ARID2: variants seen among roughly 807,000 people sequenced by gnomAD.
ARID2 encodes the protein AT-rich interaction domain 2.
In ARID2, 32 loss-of-function variants were observed where a neutral mutation model predicts 184.6. That is an observed-to-expected ratio of 0.17 (90% CI 0.13 to 0.23). The LOEUF (loss-of-function observed/expected upper bound fraction) is 0.23. Among genes scored for constraint, ARID2 ranks in the 10% least tolerant of loss-of-function variants. ARID2 has a pLI of 1.00. For missense variants in ARID2, 1,696 were observed against 2,197.6 expected (o/e 0.77, Z 4.56); for synonymous variants, 836 against 772.6 (o/e 1.08, Z -1.36).
Position 45,851,061 on chromosome 12 carries a change from A to T in ARID2, c.2938A>T (p.Thr980Ser), listed in dbSNP as rs767866745. ...TTCTTCACCATCACCTGTCCCAGCT[A>T]CTAATAACCAAGTCCCTACTGCCAT... ...PSSSPSPVPA[T>S]NNQVPTAMSS... Residue 980 changes from threonine (T) to serine (S), a missense_variant, in exon 15 of 21, where the codon ACT (threonine) becomes TCT (serine). Transcript: ENST00000334344. 2 of 1,614,114 alleles carry T rather than the reference A, an allele frequency of 1.2e-6. No homozygotes were observed. Among genetic ancestry groups the T allele is most frequent in the Admixed American group, 3.3e-5 (2 of 60,020 alleles).
intron 3 of ARID2, among the ~76,000 whole-genome samples, chr12:45,743,874 TG>T (rs1373831941): frequency 6.6e-6 from 1 of 152,214 alleles, no homozygotes; most frequent in Non-Finnish European, 1.5e-5. Flanking sequence ...TTGTTGCTAT[TG>T]AAAATGTGGT....
intron 6 of ARID2, among the ~76,000 whole-genome samples, chr12:45,826,675 T>C (rs1230517355): frequency 6.6e-6 from 1 of 152,072 alleles, no homozygotes; most frequent in Non-Finnish European, 1.5e-5. Context: ...TGCCTCGGCC[T>C]CCCAGAGTGC....
Position 45,852,339 on chromosome 12 carries a change from A to G in ARID2, c.4216A>G (p.Thr1406Ala), listed in dbSNP as rs1565624618. 1.2e-6 allele frequency: 2 copies of G among 1,614,204 alleles called. No individual in the cohort carries two copies. The highest frequency in any genetic ancestry group is 1.7e-6 in the Non-Finnish European group (2 of 1,180,024). The change falls in exon 15 of 21, where the codon ACT (threonine) becomes GCT (alanine). Residue 1406 changes from threonine to alanine, a missense_variant. Coordinates refer to ENST00000334344, the MANE Select transcript of ARID2 (RefSeq NM_152641.4). ...GACTTTAGATATCACTCAGCAAGAT[A>G]CTGCCAAAGGTGATCAACTAGAAAG... ...QGTLDITQQD[T>A]AKGDQLERIS...
chr12:45,790,427 A>G (rs997250523), intron 3 of ARID2, among the ~76,000 whole-genome samples: 1 of 152,156 alleles, frequency 6.6e-6, no homozygotes, highest in Non-Finnish European at 1.5e-5. Flanking sequence ...AAAAACTGAC[A>G]CCTTTATAAT....
intron 3 of ARID2, among the ~76,000 whole-genome samples, chr12:45,788,076 C>T (rs1942228557): frequency 6.6e-6 from 1 of 152,158 alleles, no homozygotes; most frequent in Non-Finnish European, 1.5e-5. Context: ...CTAACAAATG[C>T]ATTACCTCAC....
chr12:45,893,592 A>T, intron 19 of ARID2, 38 bp from the exon 20 acceptor site: 1 of 1,604,498 alleles, frequency 6.2e-7, no homozygotes, highest in Non-Finnish European at 8.5e-7. Flanking sequence ...GTCCTGTATG[A>T]TTTAGATCTT....
intron 10 of ARID2, 111 bp downstream of exon 10, chr12:45,837,818 G>T: frequency 2.3e-6 from 2 of 885,606 alleles, no homozygotes; most frequent in South Asian, 2.4e-5. Flanking sequence ...ATTTTGAAGA[G>T]TCATTACCTC....
chr12:45,881,075 G>A (rs35125), intron 16 of ARID2: 100,007 of 165,468 alleles, frequency 0.6, 32,413 homozygotes, highest in African/African-American at 0.87. Flanking sequence ...TTCTGCTGCA[G>A]GCTATTTGCT....
At position 45,841,341 on chromosome 12, in the gene ARID2, TATTC is replaced by T. The variant is rs554004646; in HGVS notation, c.1498+1849_1498+1852del. ...ATTTAAACATTGAGAATTTGTGGCT[TATTC>T]ATTTATGTAGTAATTAATTCATTCA... On this transcript the variant is annotated intron_variant, in intron 11 of 20. Coordinates refer to ENST00000334344, the MANE Select transcript of ARID2 (RefSeq NM_152641.4). 2.7e-3 allele frequency: 408 copies of T among 152,312 alleles called. 3 individuals are homozygous for T. The highest frequency in any genetic ancestry group is 8.0e-3 in the African/African-American group (332 of 41,568). 9.4% of individuals were successfully genotyped at this position (152,312 alleles called of 1,614,324 possible). A position where few individuals can be genotyped will look rare whatever the true frequency, so the allele number is the denominator to read the frequency against.
At chr12:45,866,881 A>T (rs115627541) in intron 16 of ARID2, among the ~76,000 whole-genome samples, 144 of 152,176 alleles carry the variant, frequency 9.5e-4, no homozygotes, top group African/African-American at 3.1e-3. Flanking sequence ...TTTGCTCTTG[A>T]CATTGTACAT....
chr12:45,732,886 C>T (rs747286946), intron 3 of ARID2, among the ~76,000 whole-genome samples: 13 of 152,042 alleles, frequency 8.6e-5, no homozygotes, highest in Non-Finnish European at 1.9e-4. Flanking sequence ...AAATTAATAT[C>T]TAGGCTTCCA....
chr12:45,830,283 A>G (rs1205303128), intron 6 of ARID2, among the ~76,000 whole-genome samples: 1 of 151,834 alleles, frequency 6.6e-6, no homozygotes, highest in African/African-American at 2.4e-5. Context: ...TTCTTCCACT[A>G]CTCTATTGCA....
At chr12:45,747,557 C>T (rs566049804) in intron 3 of ARID2, among the ~76,000 whole-genome samples, 1 of 152,008 alleles carries the variant, frequency 6.6e-6, no homozygotes, top group East Asian at 1.9e-4. Context: ...TGGGGAGCTT[C>T]TTATGAACTC....
chr12:45,893,881 TA>T (rs1944335723), intron 20 of ARID2, 160 bp downstream of exon 20: 2 of 523,478 alleles, frequency 3.8e-6, no homozygotes, highest in Admixed American at 7.9e-5. Context: ...GATGAGCTCT[TA>T]AAAGTCAAAA....
intron 16 of ARID2, chr12:45,874,375 C>T: frequency 5.6e-6 from 1 of 178,632 alleles, no homozygotes; most frequent in East Asian, 1.5e-4. Flanking sequence ...AACCCTGCTG[C>T]TATGTTATCA....
rs2138155010 is a variant in ARID2 at position 45,848,983 on chromosome 12, G to A, written c.1715+13G>A. 6.2e-7 allele frequency: 1 copy of A among 1,604,922 alleles called. No individual in the cohort carries two copies. Among genetic ancestry groups the A allele is most frequent in the East Asian group, 2.2e-5 (1 of 44,654 alleles). The stretch of plus-strand genomic sequence containing the variant: ...ATAAATGTCTTAGGTAGGATCCATA[G>A]TTCTTTAAATAAAGTCCATTTACGT... On this transcript the variant is annotated intron_variant, in intron 13 of 20. Coordinates refer to ENST00000334344, the MANE Select transcript of ARID2 (RefSeq NM_152641.4).
At chr12:45,840,894 C>G (rs1475077745) in intron 11 of ARID2, 1 of 152,138 alleles carries the variant, frequency 6.6e-6, no homozygotes, top group Non-Finnish European at 1.5e-5. Context: ...TTGGATCCAC[C>G]TAACAAAAGT....
At chr12:45,760,526 T>G (rs1209214844) in intron 3 of ARID2, among the ~76,000 whole-genome samples, 1 of 150,956 alleles carries the variant, frequency 6.6e-6, no homozygotes, top group Non-Finnish European at 1.5e-5. Flanking sequence ...CTTTTGTGTT[T>G]TTTGTGTTTT....
intron 4 of ARID2, among the ~76,000 whole-genome samples, chr12:45,812,741 G>T (rs1238903781): frequency 6.6e-6 from 1 of 152,126 alleles, no homozygotes; most frequent in Non-Finnish European, 1.5e-5. Flanking sequence ...CTAATTCAAG[G>T]ATGTTAAAAA....
Sources: allele counts gnomAD v4.1 joint callset (sites outside exome capture counted in the v4.1 genomes callset), GRCh38; gene constraint gnomAD v4.1.1; transcripts MANE v1.5; gene names NCBI Gene and HGNC (gene_info 2026-07-23, HGNC 2026-07-21).